DEPDC5: variants seen among roughly 807,000 people sequenced by gnomAD.
DEPDC5 encodes the protein GATOR1 complex protein DEPDC5.
Under a neutral mutation model 217.3 loss-of-function variants are expected in DEPDC5, and 73 were observed. That is an observed-to-expected ratio of 0.34 (90% CI 0.28 to 0.41). The LOEUF (loss-of-function observed/expected upper bound fraction) is 0.41. DEPDC5 is among the 10% of genes least tolerant of loss of function. The probability of loss-of-function intolerance (pLI) is 1.00; values close to 1 mark genes in which losing one functional copy is unlikely to be tolerated. For synonymous variants in DEPDC5, 733 were observed against 756.7 expected, an observed-to-expected ratio of 0.97 and a Z score of 0.51; for missense variants, 1,675 against 2,070.1, an observed-to-expected ratio of 0.81 and a Z score of 3.70.
chr22:31,873,333 G>A lies in DEPDC5; in HGVS notation c.3563+1G>A, dbSNP rs1261611694. The A allele has an allele frequency of 3.7e-6, 6 of 1,613,682 alleles. No homozygotes were observed. The highest frequency in any genetic ancestry group is 2.2e-5 in the East Asian group (1 of 44,860). On this transcript the variant is annotated splice_donor_variant, in intron 35 of 42. Transcript: ENST00000651528. LOFTEE classifies it high-confidence loss of function. ...TCCTGGAAGCCATGAAGCACCCCTC[G>A]TAAGTGGCTCACCACAGTGTAGGGT...
chr22:31,872,760 A>T (rs1602606821), intron 34 of DEPDC5, among the ~76,000 whole-genome samples: 1 of 148,986 alleles, frequency 6.7e-6, no homozygotes, highest in African/African-American at 2.5e-5. Context: ...ATTTTATTTT[A>T]TTTATTTATT....
intron 38 of DEPDC5, among the ~76,000 whole-genome samples, chr22:31,883,428 C>T (rs1162439381): frequency 1.3e-5 from 2 of 152,158 alleles, no homozygotes; most frequent in African/African-American, 2.4e-5. Context: ...TCTGCTCTGG[C>T]CCCTGGGCTC....
chr22:31,900,258 G>A (rs1008054595), intron 40 of DEPDC5, among the ~76,000 whole-genome samples: 1 of 151,796 alleles, frequency 6.6e-6, no homozygotes, highest in East Asian at 2.0e-4. Context: ...TGTTGGCCAG[G>A]CTGGTCTCAA....
chr22:31,809,933 G>A (rs11703390), intron 19 of DEPDC5, among the ~76,000 whole-genome samples: 1 of 152,144 alleles, frequency 6.6e-6, no homozygotes, highest in African/African-American at 2.4e-5. Context: ...AGTGAGCCGA[G>A]ATCATGCCAT....
At chr22:31,805,174 A>C in intron 17 of DEPDC5, 1 of 273,286 alleles carries the variant, frequency 3.7e-6, no homozygotes. Context: ...TTCTATTCCC[A>C]ACTCCCACAG....
intron 10 of DEPDC5, among the ~76,000 whole-genome samples, chr22:31,786,740 G>T (rs539166903): frequency 1.3e-5 from 2 of 152,148 alleles, no homozygotes; most frequent in Non-Finnish European, 2.9e-5. Flanking sequence ...GAGTGGTTGG[G>T]ACTATAGGCA....
intron 1 of DEPDC5, among the ~76,000 whole-genome samples, chr22:31,754,487 A>T (rs116406319): frequency 6.6e-6 from 1 of 152,228 alleles, no homozygotes; most frequent in Non-Finnish European, 1.5e-5. Flanking sequence ...CCTTGCCCGG[A>T]GTCACACTTT....
Position 31,843,709 on chromosome 22 carries a change from G to A in DEPDC5, c.2698G>A (p.Glu900Lys), listed in dbSNP as rs1339811035. The change falls in exon 29 of 43, where the codon GAG becomes AAG. Residue 900 changes from glutamate (E) to lysine (K), a missense_variant. Coordinates refer to ENST00000651528, the MANE Select transcript of DEPDC5 (RefSeq NM_001242896.3). ...YSLCPSHSDS[E>K]FVSCWVEFSH... The stretch of plus-strand genomic sequence containing the variant: ...CCTCTGTCCTTCCCACTCAGACTCA[G>A]AGTTCGTCTCCTGCTGGGTGGAATT... 1.2e-6 allele frequency: 2 copies of A among 1,614,018 alleles called. No homozygotes were observed. The highest frequency in any genetic ancestry group is 1.7e-4 in the Middle Eastern group (1 of 6,032).
Position 31,810,766 on chromosome 22 carries a change from T to G in DEPDC5, c.1445+125T>G, listed in dbSNP as rs561261431. 6.8e-6 allele frequency: 10 copies of G among 1,466,334 alleles called. No individual in the cohort carries two copies. The South Asian group carries it at 1.2e-4, about 17-fold the overall frequency. 90.8% of individuals were successfully genotyped at this position (1,466,334 alleles called of 1,614,324 possible). A position where few individuals can be genotyped will look rare whatever the true frequency, so the allele number is the denominator to read the frequency against. On this transcript the variant is annotated intron_variant, in intron 20 of 42. Transcript: ENST00000651528. ...TTGTTTTGTTTTGTTTCGTTTTGGT[T>G]TTTTGTTTGTTTTGTTTTGTTTTTT...
At chr22:31,766,472 C>A in intron 5 of DEPDC5, 113 bp from the exon 6 acceptor site, 1 of 944,448 alleles carries the variant, frequency 1.1e-6, no homozygotes, top group Non-Finnish European at 1.7e-6. Flanking sequence ...GAATGGTCTT[C>A]CAGTAGTTTT....
Position 31,804,934 on chromosome 22 carries a change from A to C in DEPDC5, c.1217+19A>C, listed in dbSNP as rs758503013. 6.2e-7 allele frequency: 1 copy of C among 1,606,830 alleles called. No homozygotes were observed. The highest frequency in any genetic ancestry group is 8.5e-7 in the Non-Finnish European group (1 of 1,175,732). ...ACCACAGGTGGGTGCGATCTCGATCAATAGTAGGTGATAAGCGTTTTGAAC... is the reference window on the plus strand; with the variant it reads ...ACCACAGGTGGGTGCGATCTCGATCCATAGTAGGTGATAAGCGTTTTGAAC... On this transcript the variant is annotated intron_variant, in intron 17 of 42. Coordinates refer to ENST00000651528, the MANE Select transcript of DEPDC5 (RefSeq NM_001242896.3).
chr22:31,809,719 C>CCTAT, intron 19 of DEPDC5, 72 bp downstream of exon 19: 1 of 1,533,732 alleles, frequency 6.5e-7, no homozygotes, highest in Non-Finnish European at 9.0e-7. Context: ...GTGGCTCACG[C>CCTAT]CTATAATCCC....
intron 38 of DEPDC5, among the ~76,000 whole-genome samples, chr22:31,885,851 T>C (rs1471674192): frequency 6.7e-6 from 1 of 150,112 alleles, no homozygotes; most frequent in African/African-American, 2.5e-5. Context: ...CTGACCAACA[T>C]GGTGAAACCC....
At chr22:31,878,214 A>C (rs955010540) in intron 37 of DEPDC5, among the ~76,000 whole-genome samples, 1 of 151,882 alleles carries the variant, frequency 6.6e-6, no homozygotes, top group Non-Finnish European at 1.5e-5. Flanking sequence ...CTTACATGAG[A>C]TGAAGCAGCT....
intron 12 of DEPDC5, among the ~76,000 whole-genome samples, chr22:31,794,080 T>C (rs778803946): frequency 1.6e-4 from 25 of 152,186 alleles, no homozygotes; most frequent in Admixed American, 4.6e-4. Flanking sequence ...GTCCACACAA[T>C]ATTAAGTGGT....
At chr22:31,904,011 C>T (rs2093711489) in intron 41 of DEPDC5, among the ~76,000 whole-genome samples, 1 of 152,096 alleles carries the variant, frequency 6.6e-6, no homozygotes, top group South Asian at 2.1e-4. Context: ...CATCAGCCCA[C>T]CCATAAGGTC....
intron 8 of DEPDC5, 101 bp from the exon 9 acceptor site, chr22:31,783,806 C>T (rs1601803598): frequency 1.0e-6 from 1 of 976,736 alleles, no homozygotes; most frequent in East Asian, 2.5e-5. Context: ...GTGTTAAGAA[C>T]ATTTACACTG....
chr22:31,850,455 G>A (rs1332466518), intron 31 of DEPDC5, among the ~76,000 whole-genome samples: 1 of 152,098 alleles, frequency 6.6e-6, no homozygotes, highest in East Asian at 1.9e-4. Context: ...ATTAGTTATT[G>A]TTGATAATCT....
intron 32 of DEPDC5, among the ~76,000 whole-genome samples, chr22:31,859,382 C>T (rs1449351793): frequency 2.2e-5 from 3 of 139,242 alleles, no homozygotes; most frequent in Non-Finnish European, 3.1e-5. Context: ...TGAGCCACTG[C>T]GCCCGGCTTT....
Sources: allele counts gnomAD v4.1 joint callset (sites outside exome capture counted in the v4.1 genomes callset), GRCh38; gene constraint gnomAD v4.1.1; transcripts MANE v1.5; gene names NCBI Gene and HGNC (gene_info 2026-07-23, HGNC 2026-07-21).